The following LIG3 variants were observed in gnomAD, a reference collection of about 807,000 sequenced individuals.
The protein encoded by LIG3 is ligase II, DNA, ATP-dependent.
A neutral mutation model predicts 110.9 loss-of-function variants in LIG3; 58 were observed. That is an observed-to-expected ratio of 0.52 (90% CI 0.42 to 0.65). The LOEUF (loss-of-function observed/expected upper bound fraction) is 0.65. Among genes scored for constraint, LIG3 ranks in the 30% least tolerant of loss-of-function variants. The pLI, the probability that LIG3 is intolerant of heterozygous loss-of-function variation, is 0.00. For missense variants in LIG3, 1,094 were observed against 1,273.8 expected (o/e 0.86, Z 2.15); for synonymous variants, 422 against 472.8 (o/e 0.89, Z 1.39).
At position 35,008,536 on chromosome 17, in the gene LIG3, TCCTC is replaced by T. The variant is rs2090912679; in HGVS notation, c.*4033_*4036del. The T allele has an allele frequency of 6.6e-6, 1 of 152,070 alleles. No homozygotes were observed. The highest frequency in any genetic ancestry group is 1.5e-5 in the Non-Finnish European group (1 of 68,008). The allele number at this position is 152,070 out of a possible 1,614,324, so 9.4% of individuals were successfully genotyped here. ...AGCTTCAATCTCCTGGCTCAAGTGA[TCCTC>T]CCACCTCAGCCTTCCAAGTAGTTGG... On this transcript the variant is annotated 3_prime_UTR_variant, in exon 20 of 20. Coordinates refer to ENST00000378526, the MANE Select transcript of LIG3 (RefSeq NM_013975.4).
intron 8 of LIG3, among the ~76,000 whole-genome samples, chr17:34,993,178 A>C (rs1194082582): frequency 2.0e-5 from 3 of 152,200 alleles, no homozygotes; most frequent in Non-Finnish European, 4.4e-5. Flanking sequence ...GCTGACTCTG[A>C]CAGACATCAT....
intron 10 of LIG3, 39 bp from the exon 11 acceptor site, chr17:34,996,535 T>A (rs376215929): frequency 6.6e-7 from 1 of 1,513,356 alleles, no homozygotes; most frequent in African/African-American, 1.4e-5. Context: ...ACACTGACTT[T>A]TGTCCTATGT....
intron 12 of LIG3, 26 bp from the exon 13 acceptor site, chr17:34,998,193 A>T: frequency 1.3e-6 from 2 of 1,591,238 alleles, no homozygotes; most frequent in Non-Finnish European, 8.6e-7. Flanking sequence ...TCTCACACCA[A>T]CTTCAGCATC....
At position 34,996,349 on chromosome 17, in the gene LIG3, T is replaced by C. The variant is rs764476376; in HGVS notation, c.1743+154T>C. 7 of 1,007,382 alleles carry C rather than the reference T, an allele frequency of 6.9e-6. No individual in the cohort carries two copies. The Admixed American group carries it at 2.0e-4, about 29-fold the overall frequency. 62.4% of individuals were successfully genotyped at this position (1,007,382 alleles called of 1,614,324 possible). On this transcript the variant is annotated intron_variant, in intron 10 of 19. Transcript: ENST00000378526. ...GTTTCTGGTTTGGATTTTTGTCTTT[T>C]GTTTTTCTCCTAAAAAGGGGCTGGT...
chr17:34,983,684 C>T, intron 2 of LIG3, 132 bp downstream of exon 2: 1 of 915,908 alleles, frequency 1.1e-6, no homozygotes. Flanking sequence ...TTGCCTAGGC[C>T]AGTGTTTAAT....
intron 5 of LIG3, 93 bp downstream of exon 5, chr17:34,991,207 C>T: frequency 8.0e-7 from 1 of 1,254,186 alleles, no homozygotes; most frequent in Non-Finnish European, 1.1e-6. Context: ...CTGGTTGGGA[C>T]ACATACTGTT....
intron 1 of LIG3, among the ~76,000 whole-genome samples, chr17:34,982,553 A>C (rs537160605): frequency 5.3e-5 from 8 of 152,148 alleles, no homozygotes; most frequent in East Asian, 1.9e-4. Context: ...AGGCTGAGGC[A>C]GGAGAATCGC....
intron 8 of LIG3, among the ~76,000 whole-genome samples, chr17:34,993,653 C>T (rs1367116948): frequency 6.6e-6 from 1 of 152,222 alleles, no homozygotes; most frequent in East Asian, 1.9e-4. Flanking sequence ...CACCTATTCT[C>T]TCTAACCTTC....
rs936249340 is a variant in LIG3 at position 35,006,262 on chromosome 17, TTGAAATGA to T, written c.*1757_*1764del. ...CTAGCCACAGACAGCTGCTGAGCAA[TTGAAATGA>T]AGCTGGCACAACTAAGGAACTGAAG... On this transcript the variant is annotated 3_prime_UTR_variant, in exon 20 of 20. Coordinates refer to ENST00000378526, the MANE Select transcript of LIG3 (RefSeq NM_013975.4). 1 of 154,964 alleles carries T rather than the reference TTGAAATGA, an allele frequency of 6.5e-6. No homozygotes were observed. The highest frequency in any genetic ancestry group is 1.4e-5 in the Non-Finnish European group (1 of 69,944). 9.6% of individuals were successfully genotyped at this position (154,964 alleles called of 1,614,324 possible). A position where few individuals can be genotyped will look rare whatever the true frequency, so the allele number is the denominator to read the frequency against.
chr17:34,989,781 C>A, intron 4 of LIG3, 118 bp downstream of exon 4: 2 of 892,276 alleles, frequency 2.2e-6, no homozygotes, highest in Non-Finnish European at 3.6e-6. Context: ...TAATGCTGTA[C>A]TGTAGTGCTA....
At position 35,004,542 on chromosome 17, in the gene LIG3, C is replaced by G; in HGVS notation, c.*36C>G. 2 of 1,548,696 alleles carry G rather than the reference C, an allele frequency of 1.3e-6. No homozygotes were observed. Among genetic ancestry groups the G allele is most frequent in the Non-Finnish European group, 1.8e-6 (2 of 1,121,700 alleles). The stretch of plus-strand genomic sequence containing the variant: ...TTCCCTCTCCCTCAGGCCATACTCT[C>G]CTTTACCATACTACTGGACTGGACT... On this transcript the variant is annotated 3_prime_UTR_variant, in exon 20 of 20. Transcript: ENST00000378526.
At position 34,980,579 on chromosome 17, in the gene LIG3, G is replaced by A; in HGVS notation, c.-48G>A. ...GTGGGCTGCCCGCGGCCTGTAATGA[G>A]CAAGTTCCGAGGCCTACGGTGAGCG... On this transcript the variant is annotated 5_prime_UTR_variant, in exon 1 of 20. Transcript: ENST00000378526. 1 of 1,287,500 alleles carries A rather than the reference G, an allele frequency of 7.8e-7. No individual in the cohort carries two copies. The highest frequency in any genetic ancestry group is 1.0e-6 in the Non-Finnish European group (1 of 987,814). 79.8% of individuals were successfully genotyped at this position (1,287,500 alleles called of 1,614,324 possible).
intron 9 of LIG3, 21 bp downstream of exon 9, chr17:34,994,452 G>A (rs535789667): frequency 1.5e-5 from 24 of 1,608,276 alleles, no homozygotes; most frequent in African/African-American, 1.3e-4. Flanking sequence ...CTTCCTTTCT[G>A]CCAGGACCGT....
chr17:34,987,184 C>T (rs3135968), intron 3 of LIG3, among the ~76,000 whole-genome samples: 3,829 of 152,284 alleles, frequency 0.025, 167 homozygotes, highest in African/African-American at 0.087. Context: ...GACAGGGATT[C>T]AGGAAGACTT....
chr17:34,990,435 A>G (rs1322790415), intron 4 of LIG3, among the ~76,000 whole-genome samples: 1 of 152,078 alleles, frequency 6.6e-6, no homozygotes, highest in Non-Finnish European at 1.5e-5. Context: ...ATGTGCCGCT[A>G]TGCCTGGCTA....
rs1567682806 is a variant in LIG3, at chr17:34,980,633, A to G, written c.-5+11A>G. The G allele has an allele frequency of 7.9e-7, 1 of 1,261,640 alleles. No individual in the cohort carries two copies. The highest frequency in any genetic ancestry group is 2.4e-5 in the Admixed American group (1 of 41,014). 78.2% of individuals were successfully genotyped at this position (1,261,640 alleles called of 1,614,324 possible). A position where few individuals can be genotyped will look rare whatever the true frequency, so the allele number is the denominator to read the frequency against. ...GAGCCGGAGAGGCAGGTGAGGGGCT[A>G]CGCGGCGCGGCACGGCGCGGCGGGG... On this transcript the variant is annotated intron_variant, in intron 1 of 19. Transcript: ENST00000378526.
At chr17:34,990,819 A>T in intron 4 of LIG3, 144 bp from the exon 5 acceptor site, 1 of 690,686 alleles carries the variant, frequency 1.4e-6, no homozygotes, top group Non-Finnish European at 2.4e-6. Flanking sequence ...GTGGTCTCAA[A>T]CTTGTGAGCT....
chr17:34,991,396 TA>T (rs888302559), intron 5 of LIG3: 7 of 566,970 alleles, frequency 1.2e-5, no homozygotes, highest in Non-Finnish European at 1.5e-5. Context: ...CTGGGGCTTT[TA>T]TTCTGGACTC....
At chr17:35,002,930 C>T (rs1367144507) in intron 19 of LIG3, 141 bp downstream of exon 19, 2 of 1,609,036 alleles carry the variant, frequency 1.2e-6, no homozygotes, top group African/African-American at 2.7e-5. Flanking sequence ...CCTGCAGCCA[C>T]TCCTCTGTCG....
Sources: allele counts gnomAD v4.1 joint callset (sites outside exome capture counted in the v4.1 genomes callset), GRCh38; gene constraint gnomAD v4.1.1; transcripts MANE v1.5; gene names NCBI Gene and HGNC (gene_info 2026-07-23, HGNC 2026-07-21).